The following IGSF1 variants were observed in gnomAD, a reference collection of about 807,000 sequenced individuals.
IGSF1 encodes immunoglobulin-like domain-containing protein 1.
A neutral mutation model predicts 95.3 loss-of-function variants in IGSF1; 40 were observed. That is an observed-to-expected ratio of 0.42 (90% CI 0.33 to 0.55). The LOEUF is 0.55. Ranked by LOEUF, IGSF1 falls within the 20% of genes least tolerant of loss-of-function variation. The pLI is 0.10. For synonymous variants in IGSF1, 372 were observed against 382.9 expected (o/e 0.97, Z 0.33); for missense variants, 906 against 1,025.4 (o/e 0.88, Z 1.59).
At chrX:131,284,095 A>G in intron 5 of IGSF1, 1 of 713,989 alleles carries the variant, frequency 1.4e-6, no homozygotes, top group South Asian at 7.2e-5. Context: ...AGTACAACAA[A>G]CATTCATACA....
At position 131,273,818 on chromosome X, in the gene IGSF1, A is replaced by G. The variant is rs765250706; in HGVS notation, c.3989T>C (p.Val1330Ala). 1.7e-5 allele frequency: 21 copies of G among 1,207,635 alleles called. No individual in the cohort carries two copies. In the East Asian group the frequency reaches 5.3e-4, roughly 31 times the overall value. The part of the protein sequence containing the change: ...SPSSTSQRIS[V>A]ELPVPI ...TTATTATATTGGAACGGGCAGTTCC[A>G]CAGAGATTCTCTGAGAGGTTGATGA... is the stretch of plus-strand genomic sequence containing the variant. Residue 1330 changes from valine to alanine, a missense_variant, in exon 20 of 20, where the codon GTG becomes GCG. Physicochemically the swap from Val to Ala is moderately conservative, Grantham distance 64 (BLOSUM62 0). Coordinates refer to ENST00000361420, the MANE Select transcript of IGSF1 (RefSeq NM_001555.5).
chrX:131,277,965 G>C lies in IGSF1; in HGVS notation c.2211C>G (p.Ile737Met), dbSNP rs1167129179. The C allele has an allele frequency of 8.3e-7, 1 of 1,211,019 alleles. No individual in the cohort carries two copies. The highest frequency in any genetic ancestry group is 1.1e-6 in the Non-Finnish European group (1 of 895,052). ...CTTCGTCTTTATCCTCCATTCTCTG[G>C]ATTGTAAAGAAGGCTTCTCTTCCAA... ...GAVGREAFFT[I>M]QRMEDKDEGN... The change falls in exon 13 of 20, where the codon ATC becomes ATG. Residue 737 changes from isoleucine to methionine, a missense_variant. Around this residue, in one of 5 missense-constraint regions of IGSF1, gnomAD observed 411 missense variants for 494.9 expected, o/e 0.83. Transcript: ENST00000361420.
chrX:131,278,833 T>C (rs2080513691), intron 11 of IGSF1, 82 bp from the exon 12 acceptor site: 1 of 908,705 alleles, frequency 1.1e-6, no homozygotes, highest in South Asian at 2.3e-5. Context: ...TCTACCCAGA[T>C]CACACTGCCC....
Position 131,275,206 on chromosome X carries a change from C to T in IGSF1, c.3265G>A (p.Gly1089Arg), listed in dbSNP as rs745638955. Residue 1089 changes from glycine to arginine, a missense_variant, in exon 17 of 20, where the codon GGG (glycine) becomes AGG (arginine). Coordinates refer to ENST00000361420, the MANE Select transcript of IGSF1 (RefSeq NM_001555.5). ...ACAAATGTTGAGTCTGGCAGTTCCC[C>T]TTGACACTGAAGAGTCATATTTTCG... is the stretch of plus-strand genomic sequence containing the variant. ...PGENMTLQCQ[G>R]ELPDSTFVLL... is the part of the protein sequence containing the mutation. The T allele has an allele frequency of 1.7e-6, 2 of 1,209,478 alleles. No individual in the cohort carries two copies. Among genetic ancestry groups the T allele is most frequent in the African/African-American group, 1.7e-5 (1 of 57,152 alleles).
chrX:131,283,388 C>T, intron 5 of IGSF1, 124 bp from the exon 6 acceptor site: 1 of 553,204 alleles, frequency 1.8e-6, no homozygotes. Context: ...CTTCCCTATC[C>T]CTTCCTTGGA....
At chrX:131,281,184 G>T (rs1456796348) in intron 9 of IGSF1, 34 bp downstream of exon 9, 1 of 1,203,476 alleles carries the variant, frequency 8.3e-7, no homozygotes, top group Non-Finnish European at 1.1e-6. Context: ...ACTCTGTTAG[G>T]TTGGGGAACA....
In IGSF1 at chrX:131,274,984, T is replaced by A. The variant is rs1205285202; in HGVS notation, c.3472+15A>T. Reference sequence around the variant, plus strand: ...TACAAAATCGTGACTTGTACTGAAGTCTCCAGGACCTTACCAGTCACCCAG... The same window carrying A: ...TACAAAATCGTGACTTGTACTGAAGACTCCAGGACCTTACCAGTCACCCAG... On this transcript the variant is annotated intron_variant, in intron 17 of 19. Transcript: ENST00000361420. The A allele has an allele frequency of 8.3e-7, 1 of 1,206,489 alleles. No homozygotes were observed. The highest frequency in any genetic ancestry group is 1.1e-6 in the Non-Finnish European group (1 of 892,703).
Position 131,286,604 on chromosome X carries a change from C to T in IGSF1, c.70+1G>A, listed in dbSNP as rs777462101. 1.7e-6 allele frequency: 2 copies of T among 1,207,729 alleles called. No homozygotes were observed. Among genetic ancestry groups the T allele is most frequent in the South Asian group, 1.8e-5 (1 of 56,401 alleles). On this transcript the variant is annotated splice_donor_variant, in intron 2 of 19. Coordinates refer to ENST00000361420, the MANE Select transcript of IGSF1 (RefSeq NM_001555.5). LOFTEE classifies it high-confidence loss of function. ...GCCCCTCACCCCTTCCTTGTACTCA[C>T]GAATGCAAAAGAGCAAAACAGTGAA...
chrX:131,276,222 C>T lies in IGSF1; in HGVS notation c.2635G>A (p.Ala879Thr). The change falls in exon 15 of 20, where the codon GCA becomes ACA. Residue 879 changes from alanine to threonine, a missense_variant. This residue lies in a region of IGSF1 where 411 missense variants were observed against 494.9 expected (regional missense o/e 0.83). Coordinates refer to ENST00000361420, the MANE Select transcript of IGSF1 (RefSeq NM_001555.5). ...TEFYPKPTLLAQPGPVVFPGK... is the reference protein window; with the variant it reads ...TEFYPKPTLLTQPGPVVFPGK... ...GGAAACACCACAGGACCTGGCTGTG[C>T]CAGGAGAGTGGGTTTGGGGTAGAAT... 8.3e-7 allele frequency: 1 copy of T among 1,207,610 alleles called. No homozygotes were observed. Among genetic ancestry groups the T allele is most frequent in the Non-Finnish European group, 1.1e-6 (1 of 894,361 alleles).
At position 131,274,096 on chromosome X, in the gene IGSF1, G is replaced by C. The variant is rs749703068; in HGVS notation, c.3862C>G (p.Arg1288Gly). Reference sequence around the variant, plus strand: ...GCATTTATTTACCTGGTTCGCAGTCGAGGCCACTTCTTCCACTCTATGGCT... The same window carrying C: ...GCATTTATTTACCTGGTTCGCAGTCCAGGCCACTTCTTCCACTCTATGGCT... ...VLAIEWKKWP[R>G]LRTRGSETDG... The change falls in exon 19 of 20, where the codon CGA (arginine) becomes GGA (glycine). Residue 1288 changes from arginine (R) to glycine (G), a missense_variant. Physicochemically the swap from Arg to Gly is moderately radical, Grantham distance 125. Coordinates refer to ENST00000361420, the MANE Select transcript of IGSF1 (RefSeq NM_001555.5). 1 of 1,211,431 alleles carries C rather than the reference G, an allele frequency of 8.3e-7. No individual in the cohort carries two copies. The highest frequency in any genetic ancestry group is 2.2e-5 in the Admixed American group (1 of 46,012).
chrX:131,276,910 C>A, intron 14 of IGSF1, 29 bp downstream of exon 14: 1 of 1,191,238 alleles, frequency 8.4e-7, no homozygotes, highest in Non-Finnish European at 1.1e-6. Context: ...GGGTTGGCAC[C>A]ACCTCTACCT....
chrX:131,278,790 C>T (rs781587835), intron 11 of IGSF1, 39 bp from the exon 12 acceptor site: 31 of 1,127,786 alleles, frequency 2.7e-5, no homozygotes, highest in Non-Finnish European at 3.6e-5. Context: ...CCTCCCGCCT[C>T]CCTTCCCCTC....
Position 131,286,654 on chromosome X carries a change from C to T in IGSF1, c.21G>A (p.Gly7=). ...ATGTCTTCAGCATGGTGGCCCCCTC[C>T]CCTGGTCTGTCCAGGGTCATGGGGC... is the stretch of plus-strand genomic sequence containing the variant. MTLDRP[G]EGATMLKTFT... Residue 7 remains glycine (G), a synonymous_variant, in exon 2 of 20, where the codon GGG becomes GGA. Coordinates refer to ENST00000361420, the MANE Select transcript of IGSF1 (RefSeq NM_001555.5). 1.7e-6 allele frequency: 2 copies of T among 1,199,984 alleles called. No homozygotes were observed. Among genetic ancestry groups the T allele is most frequent in the African/African-American group, 3.5e-5 (2 of 57,207 alleles).
At chrX:131,285,600 G>A in intron 4 of IGSF1, 134 bp from the exon 5 acceptor site, 1 of 840,155 alleles carries the variant, frequency 1.2e-6, no homozygotes, top group Non-Finnish European at 1.7e-6. Context: ...TCCTATCTCT[G>A]CTCCAGAGTC....
intron 14 of IGSF1, 51 bp downstream of exon 14, chrX:131,276,888 C>T (rs748318436): frequency 1.8e-6 from 2 of 1,123,892 alleles, no homozygotes; most frequent in Admixed American, 2.3e-5. Flanking sequence ...CAGCCTTCCA[C>T]CCACCATCCC....
At chrX:131,288,837 G>A (rs960540332) in intron 1 of IGSF1, among the ~76,000 whole-genome samples, 1 of 107,415 alleles carries the variant, frequency 9.3e-6, no homozygotes, top group African/African-American at 3.4e-5. Context: ...CTTAGGCAGC[G>A]CCGCAGTGCT....
Position 131,275,357 on chromosome X carries a change from C to T in IGSF1, c.3185-71G>A. The T allele has an allele frequency of 3.5e-6, 4 of 1,141,526 alleles. No homozygotes were observed. In the Middle Eastern group the frequency reaches 8.0e-4, roughly 229 times the overall value. The allele number at this position is 1,141,526 out of a possible 1,213,427, so 94.1% of individuals were successfully genotyped here. A position where few individuals can be genotyped will look rare whatever the true frequency, so the allele number is the denominator to read the frequency against. Reference sequence around the variant, plus strand: ...GTGCATCACCCCTGGGGTCTCTGCTCAATAAAGAGGAAAGGCAATTGGTTG... The same window carrying T: ...GTGCATCACCCCTGGGGTCTCTGCTTAATAAAGAGGAAAGGCAATTGGTTG... On this transcript the variant is annotated intron_variant, in intron 16 of 19. Transcript: ENST00000361420.
intron 1 of IGSF1, among the ~76,000 whole-genome samples, chrX:131,287,458 C>T (rs2080660104): frequency 9.0e-6 from 1 of 110,669 alleles, no homozygotes; most frequent in African/African-American, 3.3e-5. Flanking sequence ...CCTTCCCTTC[C>T]ATAGAATGCT....
chrX:131,281,556 C>T, intron 8 of IGSF1, 110 bp downstream of exon 8: 1 of 974,221 alleles, frequency 1.0e-6, no homozygotes, highest in South Asian at 2.3e-5. Flanking sequence ...TGCTGAAACC[C>T]AAGGGCTCTG....
Sources: allele counts gnomAD v4.1 joint callset (sites outside exome capture counted in the v4.1 genomes callset), GRCh38; gene constraint gnomAD v4.1.1; regional missense constraint gnomAD v4.1.1; transcripts MANE v1.5; gene names NCBI Gene and HGNC (gene_info 2026-07-23, HGNC 2026-07-21).